The following GPC6 variants were observed in gnomAD, a reference collection of about 807,000 sequenced individuals.
The protein encoded by GPC6 is glypican-6.
Under a neutral mutation model 55.2 loss-of-function variants are expected in GPC6, and 14 were observed. The observed-to-expected ratio is 0.25, with a 90% CI of 0.17 to 0.40. GPC6 has a LOEUF of 0.40. Ranked by LOEUF, GPC6 falls within the 10% of genes least tolerant of loss-of-function variation. GPC6 has a pLI of 1.00. For missense variants in GPC6, 641 were observed against 708.5 expected (o/e 0.90, Z 1.08); for synonymous variants, 278 against 259.6 (o/e 1.07, Z -0.68).
intron 1 of GPC6, among the ~76,000 whole-genome samples, chr13:93,417,394 C>CAGT (rs1876739109): frequency 6.6e-6 from 1 of 152,082 alleles, no homozygotes; most frequent in Admixed American, 6.6e-5. Flanking sequence ...CTCTGGAGCA[C>CAGT]ATCATGATAC....
chr13:94,227,683 A>C (rs971311128), intron 4 of GPC6, among the ~76,000 whole-genome samples: 2 of 152,188 alleles, frequency 1.3e-5, no homozygotes, highest in African/African-American at 4.8e-5. Context: ...CAGCAGTAAC[A>C]AACAACCCCG....
intron 4 of GPC6, among the ~76,000 whole-genome samples, chr13:94,096,122 T>G (rs1885647355): frequency 6.6e-6 from 1 of 152,186 alleles, no homozygotes; most frequent in South Asian, 2.1e-4. Context: ...GAAAGATTAG[T>G]TTTAATAGAA....
intron 2 of GPC6, among the ~76,000 whole-genome samples, chr13:93,637,156 T>C (rs1879735713): frequency 6.6e-6 from 1 of 152,140 alleles, no homozygotes; most frequent in Non-Finnish European, 1.5e-5. Context: ...ACAAAGACTA[T>C]TGGGTTCATA....
chr13:94,129,949 A>C (rs924180357), intron 4 of GPC6, among the ~76,000 whole-genome samples: 3 of 152,146 alleles, frequency 2.0e-5, no homozygotes, highest in Non-Finnish European at 2.9e-5. Flanking sequence ...ATATTACACA[A>C]ATATGTTTAT....
chr13:93,906,995 A>G (rs1876705760), intron 3 of GPC6, among the ~76,000 whole-genome samples: 2 of 152,200 alleles, frequency 1.3e-5, no homozygotes. Flanking sequence ...ACATGTGGAG[A>G]TAAGAACTAG....
chr13:93,869,392 C>T (rs1297131767), intron 3 of GPC6, among the ~76,000 whole-genome samples: 1 of 151,804 alleles, frequency 6.6e-6, no homozygotes, highest in Non-Finnish European at 1.5e-5. Context: ...TGGCATGGTC[C>T]ATCTGCCACC....
intron 4 of GPC6, among the ~76,000 whole-genome samples, chr13:94,228,086 G>A (rs900480206): frequency 2.0e-5 from 3 of 152,094 alleles, no homozygotes; most frequent in Middle Eastern, 3.2e-3. Flanking sequence ...TTGTTCCGTG[G>A]GACAAGATTG....
intron 2 of GPC6, among the ~76,000 whole-genome samples, chr13:93,735,317 G>A (rs753352219): frequency 1.6e-4 from 25 of 152,132 alleles, no homozygotes; most frequent in Middle Eastern, 3.4e-3. Context: ...GGTGGATCAC[G>A]AGGTCAGGAG....
chr13:94,197,034 GT>G (rs147266802), intron 4 of GPC6, among the ~76,000 whole-genome samples: 4 of 151,906 alleles, frequency 2.6e-5, no homozygotes, highest in South Asian at 2.1e-4. Flanking sequence ...CAAAATGTGG[GT>G]TTTTTTTAAC....
intron 5 of GPC6, among the ~76,000 whole-genome samples, chr13:94,288,883 C>CCAA (rs1311794451): frequency 1.8e-4 from 1 of 5,426 alleles, no homozygotes; most frequent in Non-Finnish European, 6.2e-4. Context: ...ATATATATAA[C>CCAA]TAATATATAT....
chr13:93,818,098 A>G (rs953632589), intron 2 of GPC6, among the ~76,000 whole-genome samples: 3 of 147,862 alleles, frequency 2.0e-5, no homozygotes, highest in Non-Finnish European at 3.0e-5. Flanking sequence ...ATATGTATAT[A>G]TTATATATAA....
At chr13:93,730,967 A>T (rs1594408355) in intron 2 of GPC6, among the ~76,000 whole-genome samples, 1 of 152,284 alleles carries the variant, frequency 6.6e-6, no homozygotes, top group Middle Eastern at 3.4e-3. Context: ...GCGCATTATG[A>T]TATGTTGACA....
intron 2 of GPC6, among the ~76,000 whole-genome samples, chr13:93,768,360 C>T (rs1394618015): frequency 2.0e-5 from 3 of 152,184 alleles, no homozygotes; most frequent in Non-Finnish European, 4.4e-5. Flanking sequence ...CACAAGTTTA[C>T]CCATTCCATA....
intron 2 of GPC6, among the ~76,000 whole-genome samples, chr13:93,749,207 C>T (rs1213297941): frequency 6.6e-6 from 1 of 151,914 alleles, no homozygotes; most frequent in East Asian, 1.9e-4. Context: ...CTTAAGTGTA[C>T]TTTAACTTTG....
chr13:93,864,910 A>G (rs2139030580), intron 3 of GPC6, among the ~76,000 whole-genome samples: 1 of 151,838 alleles, frequency 6.6e-6, no homozygotes, highest in Non-Finnish European at 1.5e-5. Context: ...TACAGTGTAA[A>G]ATCTCATGAC....
chr13:93,528,827 CAG>C (rs1321395818), intron 1 of GPC6, among the ~76,000 whole-genome samples: 1 of 152,064 alleles, frequency 6.6e-6, no homozygotes, highest in African/African-American at 2.4e-5. Flanking sequence ...GTTTTAGAAA[CAG>C]TGGTTGAGAT....
chr13:94,023,562 G>A (rs1467858475), intron 3 of GPC6, among the ~76,000 whole-genome samples: 1 of 151,996 alleles, frequency 6.6e-6, no homozygotes, highest in Non-Finnish European at 1.5e-5. Context: ...AAACAGTTTA[G>A]CGATTTCTTA....
chr13:93,979,310 TGTGTGTG>T lies in GPC6; in HGVS notation c.712-48418_712-48412del, dbSNP rs1566631934. ...GTGTGTGTGTGTGTGTGTGTGTGTG[TGTGTGTG>T]TTTGTGTGTGTTTTTTTGTGTGTGT... On this transcript the variant is annotated intron_variant, in intron 3 of 8. Transcript: ENST00000377047. Among the ~76,000 whole-genome samples the T allele has an allele frequency of 1.9e-4, 29 of 149,912 alleles. 1 individual carries two copies. Among genetic ancestry groups the T allele is most frequent in the African/African-American group, 7.2e-4 (29 of 40,404 alleles).
chr13:93,621,233 C>T (rs189515769), intron 2 of GPC6, among the ~76,000 whole-genome samples: 2 of 152,274 alleles, frequency 1.3e-5, no homozygotes, highest in African/African-American at 4.8e-5. Flanking sequence ...AGTTGCCTAC[C>T]TGTTTCAATG....
Sources: allele counts gnomAD v4.1 joint callset (sites outside exome capture counted in the v4.1 genomes callset), GRCh38; gene constraint gnomAD v4.1.1; transcripts MANE v1.5; gene names NCBI Gene and HGNC (gene_info 2026-07-23, HGNC 2026-07-21).